The following RBFOX1 variants were observed in gnomAD, a reference collection of about 807,000 sequenced individuals.
RBFOX1 encodes the protein RNA binding fox-1 homolog 1.
RBFOX1 carries 8 observed loss-of-function variants against 57.7 expected under a neutral mutation model. That is an observed-to-expected ratio of 0.14 (90% CI 0.08 to 0.25). The LOEUF (loss-of-function observed/expected upper bound fraction) is 0.25. RBFOX1 is among the 10% of genes least tolerant of loss of function. RBFOX1 has a pLI of 1.00. For missense variants in RBFOX1, 611 were observed against 548.5 expected (o/e 1.11, Z -1.14); for synonymous variants, 326 against 222.4 (o/e 1.47, Z -4.15).
intron 3 of RBFOX1, among the ~76,000 whole-genome samples, chr16:6,960,530 C>G (rs1053396489): frequency 2.0e-5 from 3 of 152,080 alleles, no homozygotes; most frequent in Non-Finnish European, 4.4e-5. Flanking sequence ...GGGAACAACT[C>G]TTCAGGAGTC....
At chr16:6,288,799 T>TAGAGTGTGTTTTTAGTA (rs2077160091) in intron 1 of RBFOX1, among the ~76,000 whole-genome samples, 1 of 152,078 alleles carries the variant, frequency 6.6e-6, no homozygotes, top group Admixed American at 6.6e-5. Flanking sequence ...GGCTGCATTG[T>TAGAGTGTGTTTTTAGTA]AGAGTGTGTT....
chr16:6,167,706 T>C (rs139806447), intron 1 of RBFOX1, among the ~76,000 whole-genome samples: 217 of 152,272 alleles, frequency 1.4e-3, no homozygotes, highest in African/African-American at 4.6e-3. Context: ...AATGGAACTC[T>C]TGTCAGCAAT....
At chr16:6,736,316 C>A (rs1420371891) in intron 3 of RBFOX1, among the ~76,000 whole-genome samples, 2 of 152,140 alleles carry the variant, frequency 1.3e-5, no homozygotes, top group Non-Finnish European at 1.5e-5. Context: ...CCCCTCTACT[C>A]TTCCCCCCAA....
At chr16:7,292,226 A>T (rs1176306068) in intron 4 of RBFOX1, among the ~76,000 whole-genome samples, 1 of 124,748 alleles carries the variant, frequency 8.0e-6, no homozygotes, top group African/African-American at 3.1e-5. Context: ...GATATATGAT[A>T]TAGAACGTAT....
chr16:6,584,105 G>A (rs894598185), intron 2 of RBFOX1, among the ~76,000 whole-genome samples: 3 of 151,636 alleles, frequency 2.0e-5, no homozygotes, highest in African/African-American at 4.8e-5. Flanking sequence ...AGAAAGAAAC[G>A]TAACCAAGTC....
intron 4 of RBFOX1, among the ~76,000 whole-genome samples, chr16:7,494,801 C>A (rs535068530): frequency 6.9e-6 from 1 of 144,190 alleles, no homozygotes; most frequent in Non-Finnish European, 1.5e-5. Flanking sequence ...AATGCTTGAG[C>A]TCCTTAATAT....
At chr16:7,066,608 G>A (rs776981499) in intron 4 of RBFOX1, among the ~76,000 whole-genome samples, 1 of 152,138 alleles carries the variant, frequency 6.6e-6, no homozygotes, top group African/African-American at 2.4e-5. Flanking sequence ...TCATAAAGCG[G>A]GGGGTGTTTT....
At chr16:6,548,513 A>C (rs2096926407) in intron 2 of RBFOX1, among the ~76,000 whole-genome samples, 1 of 152,244 alleles carries the variant, frequency 6.6e-6, no homozygotes, top group African/African-American at 2.4e-5. Context: ...CTTCAGTTCC[A>C]AGTGAAAAAA....
intron 2 of RBFOX1, among the ~76,000 whole-genome samples, chr16:5,566,355 A>G (rs910588018): frequency 6.6e-6 from 1 of 152,142 alleles, no homozygotes; most frequent in Admixed American, 6.5e-5. Flanking sequence ...TCACACAAAC[A>G]TCGGGCTGCA....
intron 1 of RBFOX1, among the ~76,000 whole-genome samples, chr16:6,185,800 T>C (rs17139522): frequency 0.098 from 14,869 of 152,212 alleles, 919 homozygotes; most frequent in East Asian, 0.24. Flanking sequence ...TCTGTGATAA[T>C]GACATGGTTG....
chr16:7,243,061 A>G (rs2094141989), intron 4 of RBFOX1, among the ~76,000 whole-genome samples: 1 of 152,158 alleles, frequency 6.6e-6, no homozygotes, highest in Admixed American at 6.6e-5. Context: ...TAATATAATA[A>G]TATATTCCCT....
intron 2 of RBFOX1, among the ~76,000 whole-genome samples, chr16:6,362,925 T>C (rs2088863282): frequency 6.6e-6 from 1 of 152,142 alleles, no homozygotes. Flanking sequence ...CCCTTCTAAG[T>C]GTGTGATACA....
At chr16:7,710,005 C>A in intron 15 of RBFOX1, 1 of 1,008,534 alleles carries the variant, frequency 9.9e-7, no homozygotes, top group Non-Finnish European at 1.2e-6. Flanking sequence ...TCGTTAAGTG[C>A]CACCTTGTAG....
rs140526648 is a variant in RBFOX1, at chr16:6,973,088, A to G, written c.-15-78969A>G. On this transcript the variant is annotated intron_variant, in intron 3 of 15. Transcript: ENST00000550418. ...GGAGGCTGCAGTGAGCTGAGATTGC[A>G]CTACTGCACTCCAGCCTGGGTGACG... is the stretch of plus-strand genomic sequence containing the variant. Among the ~76,000 whole-genome samples the G allele has an allele frequency of 2.4e-3, 369 of 152,126 alleles. 15 individuals are homozygous for G. The South Asian group carries it at 0.063, about 26-fold the overall frequency.
intron 2 of RBFOX1, among the ~76,000 whole-genome samples, chr16:6,485,661 C>G (rs148182849): frequency 1.4e-4 from 22 of 152,230 alleles, no homozygotes; most frequent in African/African-American, 5.1e-4. Flanking sequence ...TTCTTTTTAA[C>G]CAAGCAACTA....
intron 4 of RBFOX1, among the ~76,000 whole-genome samples, chr16:7,445,104 TG>T (rs60168553): frequency 0.2 from 29,626 of 151,760 alleles, 4,005 homozygotes; most frequent in African/African-American, 0.37. Context: ...TGGGGATGCT[TG>T]GTGCTGATGA....
chr16:6,809,114 C>T (rs1305566430), intron 3 of RBFOX1, among the ~76,000 whole-genome samples: 2 of 152,146 alleles, frequency 1.3e-5, no homozygotes, highest in Non-Finnish European at 2.9e-5. Context: ...AGGCAAACAC[C>T]AACCTGTCAC....
At chr16:7,662,470 C>T (rs751078092) in intron 12 of RBFOX1, among the ~76,000 whole-genome samples, 9 of 152,170 alleles carry the variant, frequency 5.9e-5, no homozygotes, top group Admixed American at 4.6e-4. Context: ...GACGCCTTCT[C>T]ATGCCCACCC....
chr16:6,904,523 C>T (rs1285120704), intron 3 of RBFOX1, among the ~76,000 whole-genome samples: 1 of 144,174 alleles, frequency 6.9e-6, no homozygotes, highest in Admixed American at 7.4e-5. Flanking sequence ...ATTGTTTGAA[C>T]CCAGGAGGCA....
Sources: gnomAD v4.1 joint callset for allele counts (sites outside exome capture counted in the v4.1 genomes callset) on GRCh38, gnomAD v4.1.1 for gene constraint, MANE v1.5 for transcripts, NCBI Gene and HGNC (gene_info 2026-07-23, HGNC 2026-07-21) for gene names.